Variants in SEMA3C observed in about 807,000 individuals in gnomAD.
SEMA3C encodes semaphorin 3C.
SEMA3C carries 47 observed loss-of-function variants against 89.4 expected under a neutral mutation model. The ratio of observed to expected loss-of-function variants is 0.53; its 90% CI spans 0.42 to 0.67. SEMA3C has a LOEUF of 0.67. Among genes scored for constraint, SEMA3C ranks in the 30% least tolerant of loss-of-function variants. SEMA3C has a pLI of 0.00. For synonymous variants in SEMA3C, 310 were observed against 320.2 expected (o/e 0.97, Z 0.34); for missense variants, 839 against 929.1 (o/e 0.90, Z 1.26).
intron 12 of SEMA3C, among the ~76,000 whole-genome samples, chr7:80,767,883 T>C (rs975219464): frequency 6.6e-6 from 1 of 152,208 alleles, no homozygotes; most frequent in Non-Finnish European, 1.5e-5. Context: ...TTATAGTTTG[T>C]GTTTTATGAA....
intron 2 of SEMA3C, among the ~76,000 whole-genome samples, chr7:80,888,881 T>C (rs1791545283): frequency 6.6e-6 from 1 of 152,228 alleles, no homozygotes; most frequent in Admixed American, 6.5e-5. Context: ...TTTTTTCTTT[T>C]GAGATGGAGT....
chr7:80,790,247 G>A (rs1167058343), intron 11 of SEMA3C, among the ~76,000 whole-genome samples: 1 of 151,916 alleles, frequency 6.6e-6, no homozygotes, highest in Non-Finnish European at 1.5e-5. Context: ...TGAAACCACT[G>A]CACTCTAGCC....
At chr7:80,830,278 A>C (rs141288537) in intron 2 of SEMA3C, among the ~76,000 whole-genome samples, 1 of 152,324 alleles carries the variant, frequency 6.6e-6, no homozygotes. Context: ...CCTCATTTGT[A>C]AAATGCAACA....
intron 2 of SEMA3C, among the ~76,000 whole-genome samples, chr7:80,866,513 G>T (rs958042295): frequency 1.3e-5 from 2 of 152,048 alleles, no homozygotes; most frequent in African/African-American, 4.8e-5. Context: ...ATAAAAAAAA[G>T]AAGTAATGTG....
At chr7:80,876,733 C>T (rs1161799730) in intron 2 of SEMA3C, among the ~76,000 whole-genome samples, 1 of 152,086 alleles carries the variant, frequency 6.6e-6, no homozygotes, top group Non-Finnish European at 1.5e-5. Flanking sequence ...TAAAATAAAG[C>T]CCTTTGATAA....
intron 7 of SEMA3C, among the ~76,000 whole-genome samples, chr7:80,804,705 C>A (rs1158966431): frequency 6.6e-6 from 1 of 152,058 alleles, no homozygotes; most frequent in Admixed American, 6.6e-5. Flanking sequence ...GGAAAAACAG[C>A]GTCATTAGTC....
Position 80,751,305 on chromosome 7 carries a change from T to C in SEMA3C, c.1675A>G (p.Asn559Asp), listed in dbSNP as rs1787929764. 1 of 1,614,044 alleles carries C rather than the reference T, an allele frequency of 6.2e-7. No individual in the cohort carries two copies. The highest frequency in any genetic ancestry group is 8.5e-7 in the Non-Finnish European group (1 of 1,179,944). Residue 559 changes from asparagine (N) to aspartate (D), a missense_variant, in exon 16 of 18, where the codon AAC (asparagine) becomes GAC (aspartate). Asn to Asp is a conservative substitution (Grantham distance 23). Transcript: ENST00000265361. ...RSRRQDVRHGNPLTQCRGFNL... is the reference protein window; with the variant it reads ...RSRRQDVRHGDPLTQCRGFNL... ...AATCCTCTGCATTGAGTCAGTGGGTTTCCATGTCTCACATCTTGTCTTCGG... is the reference window on the plus strand; with the variant it reads ...AATCCTCTGCATTGAGTCAGTGGGTCTCCATGTCTCACATCTTGTCTTCGG...
intron 2 of SEMA3C, among the ~76,000 whole-genome samples, chr7:80,904,338 G>A (rs1176002354): frequency 1.3e-5 from 2 of 152,136 alleles, no homozygotes; most frequent in African/African-American, 2.4e-5. Flanking sequence ...GTCACACCTG[G>A]CCTAAATACC....
chr7:80,834,430 T>C (rs1790080089), intron 2 of SEMA3C, among the ~76,000 whole-genome samples: 1 of 152,154 alleles, frequency 6.6e-6, no homozygotes, highest in Non-Finnish European at 1.5e-5. Flanking sequence ...CCCCAAAATC[T>C]AAGCCCTGCC....
chr7:80,862,948 T>C (rs1790807361), intron 2 of SEMA3C, among the ~76,000 whole-genome samples: 1 of 152,172 alleles, frequency 6.6e-6, no homozygotes, highest in African/African-American at 2.4e-5. Context: ...CTACTCAAGA[T>C]GGATTAATGA....
intron 2 of SEMA3C, among the ~76,000 whole-genome samples, chr7:80,838,559 C>T (rs902622280): frequency 2.0e-5 from 3 of 152,130 alleles, no homozygotes; most frequent in Non-Finnish European, 4.4e-5. Context: ...GCAAGGCTAT[C>T]TTGTTCCCCT....
intron 4 of SEMA3C, among the ~76,000 whole-genome samples, chr7:80,820,307 G>A (rs893693262): frequency 2.2e-4 from 34 of 151,704 alleles, no homozygotes; most frequent in African/African-American, 7.7e-4. Flanking sequence ...TGAACCACCC[G>A]CCTCGGCCTC....
At chr7:80,822,382 AAAAAATAAATAAAT>A (rs199505293) in intron 4 of SEMA3C, among the ~76,000 whole-genome samples, 1,601 of 149,782 alleles carry the variant, frequency 0.011, 65 homozygotes, top group East Asian at 0.069. Flanking sequence ...TTTCAGCAAA[AAAAAATAAATAAAT>A]AAAAATAAAT....
intron 2 of SEMA3C, among the ~76,000 whole-genome samples, chr7:80,899,202 G>A (rs535208314): frequency 3.3e-5 from 5 of 152,100 alleles, no homozygotes; most frequent in South Asian, 4.2e-4. Context: ...CACTGCGCCC[G>A]GCTACTTTTT....
At chr7:80,852,680 T>G (rs1455430491) in intron 2 of SEMA3C, among the ~76,000 whole-genome samples, 1 of 117,596 alleles carries the variant, frequency 8.5e-6, no homozygotes, top group Non-Finnish European at 1.7e-5. Flanking sequence ...AATAGACATT[T>G]TTTTTTTTTT....
intron 15 of SEMA3C, among the ~76,000 whole-genome samples, chr7:80,753,809 C>A (rs1012246426): frequency 2.0e-5 from 3 of 152,160 alleles, no homozygotes; most frequent in African/African-American, 7.2e-5. Context: ...AACTACTTGT[C>A]TGAATCCAGA....
At chr7:80,895,428 T>G (rs1462475151) in intron 2 of SEMA3C, among the ~76,000 whole-genome samples, 1 of 152,204 alleles carries the variant, frequency 6.6e-6, no homozygotes, top group Non-Finnish European at 1.5e-5. Context: ...AAACTGACAG[T>G]GCAAGGCAAT....
At chr7:80,915,126 C>T (rs1193403195) in intron 2 of SEMA3C, among the ~76,000 whole-genome samples, 4 of 152,156 alleles carry the variant, frequency 2.6e-5, no homozygotes, top group Non-Finnish European at 4.4e-5. Flanking sequence ...GGGGAAATTG[C>T]ACTACTTCTT....
At chr7:80,919,386 CG>C, upstream of SEMA3C, 1 of 985,314 alleles carries the variant, frequency 1.0e-6, no homozygotes, top group African/African-American at 1.7e-5. Context: ...GTGCGCTCCA[CG>C]GTTTTTGTTG....
Sources: gnomAD v4.1 joint callset for allele counts (sites outside exome capture counted in the v4.1 genomes callset) on GRCh38, gnomAD v4.1.1 for gene constraint, MANE v1.5 for transcripts, NCBI Gene and HGNC (gene_info 2026-07-23, HGNC 2026-07-21) for gene names.